NLGN4X: variants seen among roughly 807,000 people sequenced by gnomAD.
NLGN4X encodes neuroligin 4 X-linked.
In NLGN4X, 3 loss-of-function variants were observed where a neutral mutation model predicts 40.3. That is an observed-to-expected ratio of 0.07 (90% CI 0.03 to 0.19). NLGN4X has a LOEUF of 0.19. NLGN4X is among the 10% of genes least tolerant of loss of function. The pLI is 1.00. For missense variants in NLGN4X, 382 were observed against 708.3 expected (o/e 0.54, Z 5.23); for synonymous variants, 270 against 306.8 (o/e 0.88, Z 1.25).
rs765847737 is a variant in NLGN4X at position 6,072,964 on chromosome X, C to A, written c.473-43532G>T. On this transcript the variant is annotated intron_variant, in intron 2 of 5. Coordinates refer to ENST00000381095, the MANE Select transcript of NLGN4X (RefSeq NM_181332.3). ...TCTAGTCACAGATTCACTTTCCAGCCTATCATAAAACATATTCTGCATTAG... is the reference window on the plus strand; with the variant it reads ...TCTAGTCACAGATTCACTTTCCAGCATATCATAAAACATATTCTGCATTAG... Among the ~76,000 whole-genome samples the A allele has an allele frequency of 6.3e-4, 71 of 112,497 alleles. 1 individual carries two copies. The highest frequency in any genetic ancestry group is 1.2e-3 in the Non-Finnish European group (62 of 53,339).
intron 2 of NLGN4X, among the ~76,000 whole-genome samples, chrX:6,052,103 A>C (rs1018551606): frequency 9.2e-6 from 1 of 108,662 alleles, no homozygotes; most frequent in Non-Finnish European, 1.9e-5. Context: ...GAAAGAGGGG[A>C]CCTCAATCCT....
chrX:6,151,664 A>T lies in NLGN4X; in HGVS notation c.-198T>A. On this transcript the variant is annotated 5_prime_UTR_variant, in exon 2 of 6. Transcript: ENST00000381095. ...TCTTGGCAGCCCATTGCAAGGAGGC[A>T]GCCCTCCCTTAATCCTGAAACTGGA... is the stretch of plus-strand genomic sequence containing the variant. 1 of 448,294 alleles carries T rather than the reference A, an allele frequency of 2.2e-6. No homozygotes were observed. Among genetic ancestry groups the T allele is most frequent in the Non-Finnish European group, 3.9e-6 (1 of 256,175 alleles). 36.9% of individuals were successfully genotyped at this position (448,294 alleles called of 1,213,427 possible).
intron 2 of NLGN4X, among the ~76,000 whole-genome samples, chrX:6,086,965 G>A (rs2038512356): frequency 9.0e-6 from 1 of 111,336 alleles, no homozygotes; most frequent in South Asian, 3.9e-4. Context: ...AATTGGTTTG[G>A]GCAGATACTG....
At chrX:5,980,302 C>T (rs147809282) in intron 3 of NLGN4X, among the ~76,000 whole-genome samples, 5,685 of 109,243 alleles carry the variant, frequency 0.052, 359 homozygotes, top group African/African-American at 0.18. Context: ...ATTTGCCTAT[C>T]TTACCTCCCA....
chrX:6,176,005 T>C (rs1409684115), intron 1 of NLGN4X, among the ~76,000 whole-genome samples: 2 of 111,009 alleles, frequency 1.8e-5, no homozygotes, highest in African/African-American at 6.6e-5. Flanking sequence ...TTTTAGGGAG[T>C]AAAGAGCCTT....
chrX:6,044,040 A>G (rs1311269877), intron 2 of NLGN4X, among the ~76,000 whole-genome samples: 1 of 110,725 alleles, frequency 9.0e-6, no homozygotes, highest in African/African-American at 3.3e-5. Flanking sequence ...GGCCAAGGCA[A>G]GAGGACTGCT....
chrX:5,969,780 T>C (rs758355598), intron 3 of NLGN4X, among the ~76,000 whole-genome samples: 25 of 110,249 alleles, frequency 2.3e-4, no homozygotes, highest in Admixed American at 2.0e-3. Context: ...AACCCAAATG[T>C]CCAACAATGA....
chrX:6,139,277 A>T (rs1389155702), intron 2 of NLGN4X, among the ~76,000 whole-genome samples: 1 of 112,048 alleles, frequency 8.9e-6, no homozygotes, highest in African/African-American at 3.2e-5. Context: ...CTTTGATTTA[A>T]CTTTATTCTA....
At chrX:6,201,225 A>G (rs891877840) in intron 1 of NLGN4X, among the ~76,000 whole-genome samples, 4 of 112,103 alleles carry the variant, frequency 3.6e-5, no homozygotes, top group Non-Finnish European at 7.5e-5. Context: ...CTCAGTCATG[A>G]ATAAGGTGTG....
chrX:5,978,398 CTTCCT>C (rs908607509), intron 3 of NLGN4X, among the ~76,000 whole-genome samples: 3 of 106,227 alleles, frequency 2.8e-5, no homozygotes, highest in Non-Finnish European at 5.8e-5. Context: ...CTATCTCTCT[CTTCCT>C]TTCCTTTCCT....
intron 3 of NLGN4X, among the ~76,000 whole-genome samples, chrX:5,940,177 ACT>A (rs2033875915): frequency 2.7e-5 from 3 of 111,624 alleles, no homozygotes; most frequent in Non-Finnish European, 5.6e-5. Context: ...GAAAACAAAA[ACT>A]AATTTCTGAT....
At chrX:6,054,093 T>C (rs924539008) in intron 2 of NLGN4X, among the ~76,000 whole-genome samples, 3 of 112,341 alleles carry the variant, frequency 2.7e-5, no homozygotes, top group African/African-American at 9.7e-5. Flanking sequence ...AGTGAAATCA[T>C]TACAGCTGCC....
At chrX:6,003,346 G>A (rs1407340403) in intron 3 of NLGN4X, among the ~76,000 whole-genome samples, 2 of 112,396 alleles carry the variant, frequency 1.8e-5, no homozygotes, top group Non-Finnish European at 3.8e-5. Flanking sequence ...CCTAGGTTTT[G>A]CTCTAAAGTG....
chrX:5,979,852 A>G, intron 3 of NLGN4X, among the ~76,000 whole-genome samples: 1 of 105,931 alleles, frequency 9.4e-6, no homozygotes, highest in South Asian at 4.1e-4. Context: ...ATACACACAC[A>G]GGGGTAAATT....
chrX:6,007,243 A>T lies in NLGN4X; in HGVS notation c.625+22037T>A, dbSNP rs140626603. ...AGTCCAACACTGCATGTTTTTACTT[A>T]TAAGTGGGAGCTAAACAACAGGTGC... On this transcript the variant is annotated intron_variant, in intron 3 of 5. Transcript: ENST00000381095. Among the ~76,000 whole-genome samples the T allele has an allele frequency of 1.1e-3, 124 of 111,722 alleles. 1 individual carries two copies. Among genetic ancestry groups the T allele is most frequent in the Non-Finnish European group, 2.1e-3 (112 of 53,141 alleles).
At chrX:6,116,969 G>T (rs1285915583) in intron 2 of NLGN4X, among the ~76,000 whole-genome samples, 1 of 111,579 alleles carries the variant, frequency 9.0e-6, no homozygotes, top group Non-Finnish European at 1.9e-5. Flanking sequence ...TTGGTTGATT[G>T]CTTTTGGTCC....
intron 3 of NLGN4X, among the ~76,000 whole-genome samples, chrX:5,953,779 G>A (rs900008436): frequency 8.9e-6 from 1 of 111,791 alleles, no homozygotes; most frequent in Non-Finnish European, 1.9e-5. Flanking sequence ...AATATGCATC[G>A]TGTTCATACA....
chrX:5,909,820 G>A (rs920324727), intron 3 of NLGN4X, among the ~76,000 whole-genome samples: 16 of 110,894 alleles, frequency 1.4e-4, no homozygotes, highest in African/African-American at 4.6e-4. Flanking sequence ...GATCCGACTC[G>A]TAAATAGTAT....
At chrX:5,900,556 G>C (rs2031787033) in intron 5 of NLGN4X, among the ~76,000 whole-genome samples, 1 of 85,878 alleles carries the variant, frequency 1.2e-5, no homozygotes, top group African/African-American at 4.3e-5. Flanking sequence ...CACCGTTTTT[G>C]GTGCTTTTTT....
Sources: gnomAD v4.1 joint callset for allele counts (sites outside exome capture counted in the v4.1 genomes callset) on GRCh38, gnomAD v4.1.1 for gene constraint, MANE v1.5 for transcripts, NCBI Gene and HGNC (gene_info 2026-07-23, HGNC 2026-07-21) for gene names.